Variants in NRXN3 observed in about 807,000 individuals in gnomAD.
NRXN3 encodes the protein neurexin III.
Under a neutral mutation model 137.6 loss-of-function variants are expected in NRXN3, and 32 were observed. The observed-to-expected ratio is 0.23, with a 90% confidence interval of 0.18 to 0.31. The LOEUF (loss-of-function observed/expected upper bound fraction) is 0.31. Ranked by LOEUF, NRXN3 falls within the 10% of genes least tolerant of loss-of-function variation. NRXN3 has a pLI of 1.00. For synonymous variants in NRXN3, 798 were observed against 784.5 expected (o/e 1.02, Z -0.29); for missense variants, 1,574 against 2,062.5 (o/e 0.76, Z 4.59).
intron 15 of NRXN3, among the ~76,000 whole-genome samples, chr14:79,115,719 G>A (rs534107639): frequency 6.6e-6 from 1 of 152,104 alleles, no homozygotes. Flanking sequence ...TTTATGCTTC[G>A]AGAAAGAAAG....
chr14:78,727,045 T>G (rs1446888927), intron 8 of NRXN3, among the ~76,000 whole-genome samples: 1 of 149,798 alleles, frequency 6.7e-6, no homozygotes. Context: ...CTAAAACCCT[T>G]CTCTACAATA....
At chr14:79,620,942 G>A (rs909018616) in intron 16 of NRXN3, among the ~76,000 whole-genome samples, 1 of 152,042 alleles carries the variant, frequency 6.6e-6, no homozygotes, top group African/African-American at 2.4e-5. Context: ...TAGGAAGTAG[G>A]AGGAGAAAAG....
rs541262282 is a variant in NRXN3 at position 78,485,420 on chromosome 14, G to A, written c.758-159700G>A. ...CCCCAGGCTGTATGTCTTTTATATC[G>A]TCTTCAGATGACTACAATAAACACA... On this transcript the variant is annotated intron_variant, in intron 4 of 20. Transcript: ENST00000335750. 3.4e-3 allele frequency among the ~76,000 whole-genome samples: 524 copies of A among 152,156 alleles called. 2 individuals carry two copies. The highest frequency in any genetic ancestry group is 5.5e-3 in the Non-Finnish European group (373 of 68,014).
At chr14:78,972,108 T>G (rs1344929725) in intron 14 of NRXN3, among the ~76,000 whole-genome samples, 2 of 152,064 alleles carry the variant, frequency 1.3e-5, no homozygotes, top group Non-Finnish European at 2.9e-5. Context: ...TAAGCTAGGG[T>G]TTTAAAAAAA....
chr14:79,267,006 T>C (rs1193536151), intron 15 of NRXN3, among the ~76,000 whole-genome samples: 1 of 152,210 alleles, frequency 6.6e-6, no homozygotes, highest in Non-Finnish European at 1.5e-5. Context: ...AACTATCATA[T>C]ATATAATTGA....
intron 6 of NRXN3, among the ~76,000 whole-genome samples, chr14:78,659,752 G>A (rs148701576): frequency 1.6e-4 from 24 of 150,656 alleles, no homozygotes; most frequent in Middle Eastern, 3.6e-3. Context: ...TGGCAATGTC[G>A]GGTGATTCAA....
intron 16 of NRXN3, among the ~76,000 whole-genome samples, chr14:79,517,063 G>A (rs2096993796): frequency 6.7e-6 from 1 of 148,412 alleles, no homozygotes; most frequent in South Asian, 2.1e-4. Flanking sequence ...TTGCCAAATT[G>A]TCCTTGAGAA....
intron 4 of NRXN3, among the ~76,000 whole-genome samples, chr14:78,440,143 G>A (rs538124247): frequency 7.9e-5 from 12 of 152,308 alleles, no homozygotes; most frequent in African/African-American, 2.2e-4. Context: ...CTGCACCACC[G>A]GCCAGTACGT....
At chr14:78,974,171 A>T (rs31432) in intron 14 of NRXN3, among the ~76,000 whole-genome samples, 7,591 of 152,262 alleles carry the variant, frequency 0.05, 593 homozygotes, top group African/African-American at 0.17. Flanking sequence ...GTTGTTTTAG[A>T]CATTATGTTT....
At chr14:79,625,198 A>T (rs538974826) in intron 16 of NRXN3, among the ~76,000 whole-genome samples, 23 of 152,302 alleles carry the variant, frequency 1.5e-4, no homozygotes, top group African/African-American at 4.8e-4. Context: ...CTTCTTTTTA[A>T]GACTAAATAA....
At chr14:78,215,169 A>G (rs1406024744) in intron 1 of NRXN3, among the ~76,000 whole-genome samples, 1 of 152,072 alleles carries the variant, frequency 6.6e-6, no homozygotes, top group African/African-American at 2.4e-5. Flanking sequence ...TACTGTCCAG[A>G]CCCTGTTGCT....
chr14:79,341,958 C>T (rs1016402394), intron 15 of NRXN3, among the ~76,000 whole-genome samples: 2 of 152,144 alleles, frequency 1.3e-5, no homozygotes, highest in Non-Finnish European at 1.5e-5. Context: ...AGAAATTTGA[C>T]GTTAGCATAC....
intron 4 of NRXN3, among the ~76,000 whole-genome samples, chr14:78,393,277 A>G (rs551620055): frequency 2.0e-4 from 30 of 152,190 alleles, no homozygotes; most frequent in African/African-American, 7.0e-4. Context: ...GCAAGATCCC[A>G]AGTACACTTT....
chr14:79,385,642 A>T (rs1216292965), intron 15 of NRXN3, among the ~76,000 whole-genome samples: 1 of 152,144 alleles, frequency 6.6e-6, no homozygotes, highest in Non-Finnish European at 1.5e-5. Flanking sequence ...CATCCTTGTG[A>T]CAGTGAGTGA....
chr14:79,234,166 G>A (rs943480865), intron 15 of NRXN3, among the ~76,000 whole-genome samples: 1 of 150,746 alleles, frequency 6.6e-6, no homozygotes, highest in African/African-American at 2.4e-5. Context: ...GTTAATTGCT[G>A]ACATACTTGA....
rs373545820 is a variant in NRXN3 at position 79,003,804 on chromosome 14, G to T, written c.3262+15663G>T. ...GTTACTCAGGGGTGCTCTATGATGGGCTCAGCTGCCGAACATTAGGGGATT... is the reference window on the plus strand; with the variant it reads ...GTTACTCAGGGGTGCTCTATGATGGTCTCAGCTGCCGAACATTAGGGGATT... On this transcript the variant is annotated intron_variant, in intron 15 of 20. Transcript: ENST00000335750. Among the ~76,000 whole-genome samples the T allele has an allele frequency of 3.3e-5, 5 of 152,114 alleles. No homozygotes were observed. In the East Asian group the frequency reaches 7.7e-4, roughly 23 times the overall value.
intron 15 of NRXN3, among the ~76,000 whole-genome samples, chr14:79,194,275 A>G (rs1280521393): frequency 6.6e-6 from 1 of 152,210 alleles, no homozygotes; most frequent in Non-Finnish European, 1.5e-5. Context: ...ATCTTCTCTG[A>G]CATGCAAAAA....
intron 4 of NRXN3, among the ~76,000 whole-genome samples, chr14:78,586,441 G>A (rs933094279): frequency 6.6e-6 from 1 of 152,164 alleles, no homozygotes. Context: ...CATAAGGACG[G>A]TAGTAGCACA....
chr14:78,299,652 C>G (rs1441934048), intron 4 of NRXN3, among the ~76,000 whole-genome samples: 1 of 152,130 alleles, frequency 6.6e-6, no homozygotes, highest in African/African-American at 2.4e-5. Context: ...CTTGATTTAA[C>G]TTATTGCAGA....
Sources: gnomAD v4.1 joint callset for allele counts (sites outside exome capture counted in the v4.1 genomes callset) on GRCh38, gnomAD v4.1.1 for gene constraint, MANE v1.5 for transcripts, NCBI Gene and HGNC (gene_info 2026-07-23, HGNC 2026-07-21) for gene names.